Variants in SPATS2 observed in about 807,000 individuals in gnomAD.
SPATS2 encodes the protein spermatogenesis-associated serine-rich protein 2.
Under a neutral mutation model 63.7 loss-of-function variants are expected in SPATS2, and 38 were observed. The ratio of observed to expected loss-of-function variants is 0.60; its 90% CI spans 0.46 to 0.78. SPATS2 has a LOEUF of 0.78. Ranked by LOEUF, SPATS2 falls within the 30% of genes least tolerant of loss-of-function variation. The probability of loss-of-function intolerance (pLI) is 0.00; values close to 1 mark genes in which losing one functional copy is unlikely to be tolerated. For synonymous variants in SPATS2, 207 were observed against 232.9 expected, an observed-to-expected ratio of 0.89 and a Z score of 1.01; for missense variants, 588 against 666.2, an observed-to-expected ratio of 0.88 and a Z score of 1.29.
chr12:49,413,763 C>T (rs991399784), intron 2 of SPATS2, among the ~76,000 whole-genome samples: 4 of 149,844 alleles, frequency 2.7e-5, no homozygotes, highest in African/African-American at 1.0e-4. Flanking sequence ...ATTGCTTTCA[C>T]TCTGAAGACC....
Position 49,494,927 on chromosome 12 carries a change from T to A in SPATS2, c.451T>A (p.Leu151Met). The change falls in exon 7 of 14, where the codon TTG becomes ATG. Residue 151 changes from leucine (L) to methionine (M), a missense_variant. By Grantham distance (15) the Leu-to-Met change is conservative. Transcript: ENST00000552918. ...TESVDSLSEGLETLSIDAREL... is the reference protein window; with the variant it reads ...TESVDSLSEGMETLSIDAREL... The stretch of plus-strand genomic sequence containing the variant: ...GTCTGTGGACTCACTCAGTGAAGGT[T>A]TGGAGACACTTTCAATAGATGCCAG... 3.7e-6 allele frequency: 6 copies of A among 1,614,040 alleles called. No individual in the cohort carries two copies. Among genetic ancestry groups the A allele is most frequent in the Non-Finnish European group, 4.2e-6 (5 of 1,180,010 alleles).
chr12:49,450,175 C>G (rs1329704902), intron 2 of SPATS2, among the ~76,000 whole-genome samples: 1 of 151,682 alleles, frequency 6.6e-6, no homozygotes, highest in Non-Finnish European at 1.5e-5. Flanking sequence ...TTGTAGATGG[C>G]ATACAGTTGG....
chr12:49,374,419 A>G (rs1324963695), intron 2 of SPATS2, among the ~76,000 whole-genome samples: 2 of 152,126 alleles, frequency 1.3e-5, no homozygotes, highest in African/African-American at 4.8e-5. Context: ...TGTGAGCCAC[A>G]GTGCCCAGCT....
chr12:49,513,210 A>AGTGTGT (rs71860115), intron 9 of SPATS2, among the ~76,000 whole-genome samples: 3,386 of 148,114 alleles, frequency 0.023, 44 homozygotes, highest in Non-Finnish European at 0.031. Context: ...AGAGAGAAAG[A>AGTGTGT]GTGTGTGTGT....
intron 9 of SPATS2, among the ~76,000 whole-genome samples, chr12:49,509,848 C>T (rs1946718941): frequency 6.7e-6 from 1 of 149,600 alleles, no homozygotes; most frequent in Non-Finnish European, 1.5e-5. Flanking sequence ...AAACTATTGG[C>T]AATTCTCTTT....
chr12:49,510,000 T>C lies in SPATS2; in HGVS notation c.840-4555T>C, dbSNP rs922768740. Among the ~76,000 whole-genome samples the C allele has an allele frequency of 2.0e-5, 3 of 151,816 alleles. No individual in the cohort carries two copies. The South Asian group carries it at 6.2e-4, about 31-fold the overall frequency. Reference sequence around the variant, plus strand: ...GGCCATTTATGGTGGCTCATACCTATAATCCCAGCACTTTGGGAGGCCAAG... The same window carrying C: ...GGCCATTTATGGTGGCTCATACCTACAATCCCAGCACTTTGGGAGGCCAAG... On this transcript the variant is annotated intron_variant, in intron 9 of 13. Coordinates refer to ENST00000552918, the MANE Select transcript of SPATS2 (RefSeq NM_023071.4).
rs1196904247 is a variant in SPATS2, at chr12:49,526,046, A to G, written c.1429A>G (p.Arg477Gly). Residue 477 changes from arginine (R) to glycine (G), a missense_variant, in exon 14 of 14, where the codon AGA (arginine) becomes GGA (glycine). By Grantham distance (125) the Arg-to-Gly change is moderately radical. Coordinates refer to ENST00000552918, the MANE Select transcript of SPATS2 (RefSeq NM_023071.4). ...QGRHDSMGRY[R>G]NSSWYSSGSR... The stretch of plus-strand genomic sequence containing the variant: ...GCGGCATGACAGTATGGGTCGTTAC[A>G]GAAACAGCTCGTGGTATTCATCTGG... The G allele has an allele frequency of 6.2e-7, 1 of 1,614,240 alleles. No homozygotes were observed. The highest frequency in any genetic ancestry group is 8.5e-7 in the Non-Finnish European group (1 of 1,180,032).
chr12:49,453,076 A>G (rs1049947342), intron 2 of SPATS2, among the ~76,000 whole-genome samples: 8 of 151,216 alleles, frequency 5.3e-5, no homozygotes, highest in Non-Finnish European at 7.4e-5. Flanking sequence ...GGAGAATGGC[A>G]TGAACCCGGG....
At chr12:49,437,089 G>A (rs1410830887) in intron 2 of SPATS2, among the ~76,000 whole-genome samples, 3 of 150,988 alleles carry the variant, frequency 2.0e-5, no homozygotes, top group Non-Finnish European at 3.0e-5. Flanking sequence ...GCTGCCGGGC[G>A]GAGGGGCTCC....
intron 2 of SPATS2, among the ~76,000 whole-genome samples, chr12:49,443,007 T>C (rs569038879): frequency 1.3e-5 from 2 of 152,268 alleles, no homozygotes; most frequent in Admixed American, 1.3e-4. Flanking sequence ...TTACAACATT[T>C]GTCCTTTTGT....
intron 8 of SPATS2, among the ~76,000 whole-genome samples, chr12:49,497,747 T>TA (rs1375211164): frequency 6.6e-6 from 1 of 152,102 alleles, no homozygotes; most frequent in African/African-American, 2.4e-5. Flanking sequence ...TTCATGCTCT[T>TA]ACTGAGCTAG....
At chr12:49,457,968 A>G (rs887497419) in intron 2 of SPATS2, among the ~76,000 whole-genome samples, 7 of 152,128 alleles carry the variant, frequency 4.6e-5, no homozygotes, top group African/African-American at 1.7e-4. Flanking sequence ...CTGAGGTCCC[A>G]CTGTGGTTTG....
intron 3 of SPATS2, among the ~76,000 whole-genome samples, chr12:49,475,151 C>A (rs1353840001): frequency 6.6e-6 from 1 of 152,048 alleles, no homozygotes; most frequent in Non-Finnish European, 1.5e-5. Flanking sequence ...GAATAAGCTG[C>A]CTTTACTTGC....
chr12:49,510,562 CAAAAAA>C (rs1270614197), intron 9 of SPATS2, among the ~76,000 whole-genome samples: 2 of 88,446 alleles, frequency 2.3e-5, no homozygotes, highest in Non-Finnish European at 5.2e-5. Context: ...GACCCTGTCT[CAAAAAA>C]AAAAAAAAAA....
At chr12:49,474,924 T>C (rs543764020) in intron 3 of SPATS2, among the ~76,000 whole-genome samples, 5 of 152,198 alleles carry the variant, frequency 3.3e-5, no homozygotes, top group Non-Finnish European at 5.9e-5. Flanking sequence ...GCAAGTCACA[T>C]CTTAATGTGT....
chr12:49,394,566 C>CT (rs1006496847), intron 2 of SPATS2, among the ~76,000 whole-genome samples: 73 of 146,582 alleles, frequency 5.0e-4, no homozygotes, highest in East Asian at 2.2e-3. Flanking sequence ...TCTTTCACAT[C>CT]TTTTTTTTTT....
intron 3 of SPATS2, among the ~76,000 whole-genome samples, chr12:49,480,102 G>A (rs1017485601): frequency 6.6e-6 from 1 of 152,318 alleles, no homozygotes; most frequent in East Asian, 1.9e-4. Flanking sequence ...ATCCAAAACT[G>A]TTAAGTTTTT....
At chr12:49,483,112 T>C (rs1263972182) in intron 3 of SPATS2, among the ~76,000 whole-genome samples, 3 of 138,902 alleles carry the variant, frequency 2.2e-5, no homozygotes, top group Non-Finnish European at 4.6e-5. Context: ...TCTTGCAGTT[T>C]GTGTCATCTA....
chr12:49,406,118 G>A (rs1944691228), intron 2 of SPATS2, among the ~76,000 whole-genome samples: 1 of 151,966 alleles, frequency 6.6e-6, no homozygotes, highest in African/African-American at 2.4e-5. Context: ...ACAAAAATTA[G>A]CTAGTCATGG....
Sources: allele counts gnomAD v4.1 joint callset (sites outside exome capture counted in the v4.1 genomes callset), GRCh38; gene constraint gnomAD v4.1.1; transcripts MANE v1.5; gene names NCBI Gene and HGNC (gene_info 2026-07-23, HGNC 2026-07-21).